Variants in CTXN2 observed in about 807,000 individuals in gnomAD.
The protein encoded by CTXN2 is cortexin 2.
In CTXN2, 3 loss-of-function variants were observed where a neutral mutation model predicts 5.7. The observed-to-expected ratio is 0.53, with a 90% CI of 0.24 to 1.36. The LOEUF (loss-of-function observed/expected upper bound fraction) is 1.36. Among genes scored for constraint, CTXN2 ranks in the 40% most tolerant of loss-of-function variants. The pLI, the probability that CTXN2 is intolerant of heterozygous loss-of-function variation, is 0.17. For missense variants in CTXN2, 87 were observed against 93.0 expected (o/e 0.94, Z 0.26); for synonymous variants, 38 against 36.4 (o/e 1.04, Z -0.16).
At chr15:48,197,630 T>G (rs1354190208) in intron 1 of CTXN2, among the ~76,000 whole-genome samples, 1 of 152,076 alleles carries the variant, frequency 6.6e-6, no homozygotes, top group African/African-American at 2.4e-5. Flanking sequence ...CTTAAGTTCA[T>G]TTAGCTCTTT....
rs562341925 is a variant in CTXN2 at position 48,186,388 on chromosome 15, T to C, written c.-454-5069T>C. On this transcript the variant is annotated intron_variant, in intron 1 of 2. Coordinates refer to the CTXN2 transcript ENST00000644354. ...TACACTAAAGTGTCATCATGCTCAA[T>C]TCACTTAGGAGTCCACATACTTAGA... 9.2e-4 allele frequency among the ~76,000 whole-genome samples: 140 copies of C among 152,332 alleles called. 2 individuals are homozygous for C. Among genetic ancestry groups the C allele is most frequent in the Non-Finnish European group, 1.7e-3 (114 of 68,022 alleles).
Position 48,201,708 on chromosome 15 carries a change from G to T in CTXN2, c.*162G>T, listed in dbSNP as rs1182024684. The T allele has an allele frequency of 2.7e-6, 2 of 734,586 alleles. No individual in the cohort carries two copies. Among genetic ancestry groups the T allele is most frequent in the South Asian group, 1.9e-5 (1 of 51,454 alleles). The allele number at this position is 734,586 out of a possible 1,614,324, so 45.5% of individuals were successfully genotyped here. On this transcript the variant is annotated 3_prime_UTR_variant, in exon 2 of 2. Transcript: ENST00000417307. ...CATGCTGTGTAAATGATAAACTATT[G>T]TTGGGATTCCTCACTTTCCTCTGTT...
chr15:48,194,372 T>G (rs1022245943), intron 1 of CTXN2, among the ~76,000 whole-genome samples: 1 of 152,146 alleles, frequency 6.6e-6, no homozygotes, highest in African/African-American at 2.4e-5. Flanking sequence ...AAAACTTATT[T>G]TCTGTCAAGT....
chr15:48,197,014 ATTT>A (rs5812437), intron 1 of CTXN2, among the ~76,000 whole-genome samples: 7 of 144,658 alleles, frequency 4.8e-5, no homozygotes, highest in African/African-American at 7.5e-5. Context: ...ACATTGTTTG[ATTT>A]TTTTTTTTTT....
chr15:48,180,332 A>G (rs2040689678), intron 1 of CTXN2, among the ~76,000 whole-genome samples: 2 of 152,214 alleles, frequency 1.3e-5, no homozygotes, highest in African/African-American at 2.4e-5. Context: ...AATTAAGGCA[A>G]CTTCTGAAGG....
In CTXN2 at chr15:48,202,891, T is replaced by C. The variant is rs963949088; in HGVS notation, c.*1345T>C. 1 of 165,180 alleles carries C rather than the reference T, an allele frequency of 6.1e-6. No homozygotes were observed. The highest frequency in any genetic ancestry group is 1.5e-5 in the Non-Finnish European group (1 of 68,104). The allele number at this position is 165,180 out of a possible 1,614,324, so 10.2% of individuals were successfully genotyped here. Reference sequence around the variant, plus strand: ...CAGAATGGAGGAACATAGCAGGAGATAAATACAAAAATATTTATGTCCTTT... The same window carrying C: ...CAGAATGGAGGAACATAGCAGGAGACAAATACAAAAATATTTATGTCCTTT... On this transcript the variant is annotated 3_prime_UTR_variant, in exon 2 of 2. Coordinates refer to ENST00000417307, the MANE Select transcript of CTXN2 (RefSeq NM_001145668.2).
At chr15:48,182,629 G>T (rs2040709332) in intron 1 of CTXN2, among the ~76,000 whole-genome samples, 2 of 152,242 alleles carry the variant, frequency 1.3e-5, no homozygotes, top group Admixed American at 1.3e-4. Context: ...ATATATGTGT[G>T]TATATGCAAT....
chr15:48,182,284 G>A (rs1023483635), intron 1 of CTXN2, among the ~76,000 whole-genome samples: 17 of 152,244 alleles, frequency 1.1e-4, no homozygotes, highest in African/African-American at 4.1e-4. Flanking sequence ...ACAATTATCT[G>A]AATAATCCAG....
intron 1 of CTXN2, among the ~76,000 whole-genome samples, chr15:48,196,166 A>G (rs534161646): frequency 6.6e-6 from 1 of 152,216 alleles, no homozygotes; most frequent in East Asian, 1.9e-4. Context: ...AACTTGACTA[A>G]TTGCAGCTTA....
rs951386509 is a variant in CTXN2 at position 48,203,718 on chromosome 15, T to A, written c.*2172T>A. 1.2e-5 allele frequency: 2 copies of A among 166,854 alleles called. No homozygotes were observed. Among genetic ancestry groups the A allele is most frequent in the African/African-American group, 4.8e-5 (2 of 41,452 alleles). The allele number at this position is 166,854 out of a possible 1,614,324, so 10.3% of individuals were successfully genotyped here. A position where few individuals can be genotyped will look rare whatever the true frequency, so the allele number is the denominator to read the frequency against. ...CAAGTATATTAACTCTACCATAATATTATTTCCAAATCCACTAAAGAAAAA... is the reference window on the plus strand; with the variant it reads ...CAAGTATATTAACTCTACCATAATAATATTTCCAAATCCACTAAAGAAAAA... On this transcript the variant is annotated 3_prime_UTR_variant, in exon 2 of 2. Transcript: ENST00000417307.
chr15:48,179,094 A>T (rs1275828532), intron 1 of CTXN2, among the ~76,000 whole-genome samples: 1 of 152,098 alleles, frequency 6.6e-6, no homozygotes, highest in African/African-American at 2.4e-5. Context: ...GAGTTTTAAA[A>T]TACAGTCGTA....
At chr15:48,181,555 C>CT (rs895755070) in intron 1 of CTXN2, among the ~76,000 whole-genome samples, 5 of 151,880 alleles carry the variant, frequency 3.3e-5, no homozygotes, top group Non-Finnish European at 5.9e-5. Context: ...CATCATTCTT[C>CT]TTTTTTTTAA....
At chr15:48,185,861 C>G (rs1017165877) in intron 1 of CTXN2, among the ~76,000 whole-genome samples, 1 of 152,148 alleles carries the variant, frequency 6.6e-6, no homozygotes, top group Non-Finnish European at 1.5e-5. Context: ...TGTTAGTGGA[C>G]TTAGAGTGCA....
chr15:48,185,093 G>A (rs551891282), intron 1 of CTXN2, among the ~76,000 whole-genome samples: 3 of 152,242 alleles, frequency 2.0e-5, no homozygotes, highest in East Asian at 3.9e-4. Flanking sequence ...TTCTGGAAAA[G>A]AGAAAACTGC....
chr15:48,201,236 G>A lies in CTXN2; in HGVS notation c.-57-8G>A. 1 of 1,526,056 alleles carries A rather than the reference G, an allele frequency of 6.6e-7. No homozygotes were observed. Among genetic ancestry groups the A allele is most frequent in the Non-Finnish European group, 8.9e-7 (1 of 1,129,172 alleles). The allele number at this position is 1,526,056 out of a possible 1,614,324, so 94.5% of individuals were successfully genotyped here. On this transcript the variant is annotated splice_polypyrimidine_tract_variant and splice_region_variant and intron_variant, in intron 1 of 1. Transcript: ENST00000417307. ...GTAAAACTAAACTGAGTCCAATTTT[G>A]TACCTAGGCAAAGAGTTGATTCCAG...
In CTXN2 at chr15:48,184,518, T is replaced by C. The variant is rs1248594322; in HGVS notation, c.-455+6118T>C. 2.6e-5 allele frequency among the ~76,000 whole-genome samples: 4 copies of C among 152,262 alleles called. No homozygotes were observed. The East Asian group carries it at 5.8e-4, about 22-fold the overall frequency. On this transcript the variant is annotated intron_variant, in intron 1 of 2. Coordinates refer to the CTXN2 transcript ENST00000644354. ...CTTATATCCAAAAACAAAGAAGATATGCAAATGAAAAATAAGCAAATGAAA... is the reference window on the plus strand; with the variant it reads ...CTTATATCCAAAAACAAAGAAGATACGCAAATGAAAAATAAGCAAATGAAA...
upstream of CTXN2, among the ~76,000 whole-genome samples, chr15:48,188,612 T>G (rs1567291253): frequency 1.3e-5 from 2 of 152,196 alleles, no homozygotes; most frequent in Non-Finnish European, 2.9e-5. Flanking sequence ...GCTGAGAGCA[T>G]AATGTCAAAG....
intron 1 of CTXN2, among the ~76,000 whole-genome samples, chr15:48,183,746 G>T (rs542161184): frequency 6.6e-6 from 1 of 152,300 alleles, no homozygotes; most frequent in East Asian, 1.9e-4. Flanking sequence ...AATCTCAATT[G>T]TGAGTTCCTT....
At chr15:48,180,289 C>T (rs1005967886) in intron 1 of CTXN2, among the ~76,000 whole-genome samples, 2 of 151,978 alleles carry the variant, frequency 1.3e-5, no homozygotes, top group Non-Finnish European at 2.9e-5. Context: ...TTGGTGAGGG[C>T]CTTATAAAAG....
Sources: allele counts gnomAD v4.1 joint callset (sites outside exome capture counted in the v4.1 genomes callset), GRCh38; gene constraint gnomAD v4.1.1; transcripts MANE v1.5; gene names NCBI Gene and HGNC (gene_info 2026-07-23, HGNC 2026-07-21).